Variants in ARHGAP17 observed in about 807,000 individuals in gnomAD.
ARHGAP17 encodes Rho GTPase activating protein 17.
Under a neutral mutation model 99.5 loss-of-function variants are expected in ARHGAP17, and 57 were observed. The ratio of observed to expected loss-of-function variants is 0.57; its 90% CI spans 0.46 to 0.71. ARHGAP17 has a LOEUF of 0.71. ARHGAP17 is among the 30% of genes least tolerant of loss of function. The pLI, the probability that ARHGAP17 is intolerant of heterozygous loss-of-function variation, is 0.00. For synonymous variants in ARHGAP17, 417 were observed against 429.6 expected, an observed-to-expected ratio of 0.97 and a Z score of 0.36; for missense variants, 1,000 against 1,122.4, an observed-to-expected ratio of 0.89 and a Z score of 1.56.
chr16:24,953,152 A>C, intron 10 of ARHGAP17, 110 bp from the exon 11 acceptor site: 1 of 979,238 alleles, frequency 1.0e-6, no homozygotes, highest in Non-Finnish European at 1.6e-6. Flanking sequence ...CCTGTCTATG[A>C]AAGCAGTGTT....
intron 1 of ARHGAP17, among the ~76,000 whole-genome samples, chr16:24,982,123 G>T (rs1273158576): frequency 6.6e-6 from 1 of 151,706 alleles, no homozygotes; most frequent in Non-Finnish European, 1.5e-5. Flanking sequence ...AATTTTAGAG[G>T]TTGGGGGTGG....
intron 1 of ARHGAP17, among the ~76,000 whole-genome samples, chr16:24,983,243 G>A (rs1333022352): frequency 3.3e-5 from 5 of 150,072 alleles, no homozygotes; most frequent in African/African-American, 9.8e-5. Context: ...GAGCTCAAGC[G>A]ATCTGGCTGC....
At position 24,931,139 on chromosome 16, in the gene ARHGAP17, C is replaced by T. The variant is rs772387053; in HGVS notation, c.2160G>A (p.Thr720=). 6 of 1,604,098 alleles carry T rather than the reference C, an allele frequency of 3.7e-6. No homozygotes were observed. The highest frequency in any genetic ancestry group is 1.7e-4 in the Middle Eastern group (1 of 6,016). The change falls in exon 19 of 20, where the codon ACG becomes ACA. Residue 720 remains threonine (T), a synonymous_variant. Coordinates refer to ENST00000289968, the MANE Select transcript of ARHGAP17 (RefSeq NM_001006634.3). ...APNHPPPQPP[T]QATPLMHTKP... is the part of the protein sequence containing the mutation. ...TGGTGTGCATCAGTGGCGTGGCCTGCGTAGGGGGCTGCGGCGGTGGGTGAT... is the reference window on the plus strand; with the variant it reads ...TGGTGTGCATCAGTGGCGTGGCCTGTGTAGGGGGCTGCGGCGGTGGGTGAT...
intron 9 of ARHGAP17, among the ~76,000 whole-genome samples, chr16:24,958,261 G>A (rs1045823557): frequency 2.1e-5 from 3 of 140,962 alleles, no homozygotes; most frequent in Non-Finnish European, 3.1e-5. Flanking sequence ...AACAAAATGC[G>A]AAAAAAAATC....
chr16:24,975,722 C>T (rs966040116), intron 3 of ARHGAP17, among the ~76,000 whole-genome samples: 1 of 152,202 alleles, frequency 6.6e-6, no homozygotes, highest in Admixed American at 6.5e-5. Context: ...TGACAATACA[C>T]CAAATCATAG....
chr16:24,931,319 A>C lies in ARHGAP17; in HGVS notation c.1980T>G (p.Ser660=). The C allele has an allele frequency of 6.6e-7, 1 of 1,519,288 alleles. No homozygotes were observed. The highest frequency in any genetic ancestry group is 1.4e-5 in the African/African-American group (1 of 71,334). 94.1% of individuals were successfully genotyped at this position (1,519,288 alleles called of 1,614,324 possible). A position where few individuals can be genotyped will look rare whatever the true frequency, so the allele number is the denominator to read the frequency against. ...HPGGQSSSGT[S]QHPPSLSPKP... is the part of the protein sequence containing the mutation. ...TTGGTGACAGACTGGGTGGATGCTG[A>C]GATGTTCCTGAAGAACTCTGGCCCC... The change falls in exon 19 of 20, where the codon TCT becomes TCG. Residue 660 remains serine (S), a synonymous_variant. Coordinates refer to ENST00000289968, the MANE Select transcript of ARHGAP17 (RefSeq NM_001006634.3).
chr16:24,975,715 C>A (rs1366846640), intron 3 of ARHGAP17, among the ~76,000 whole-genome samples: 4 of 152,202 alleles, frequency 2.6e-5, no homozygotes, highest in Admixed American at 1.3e-4. Flanking sequence ...CACCTGGTGA[C>A]AATACACCAA....
intron 2 of ARHGAP17, 157 bp from the exon 3 acceptor site, chr16:24,977,476 A>G (rs768546063): frequency 4.2e-6 from 2 of 481,374 alleles, no homozygotes; most frequent in Non-Finnish European, 7.2e-6. Flanking sequence ...CAGTTTACAC[A>G]CTACAGCACC....
Position 25,015,362 on chromosome 16 carries a change from G to C in ARHGAP17, c.-101C>G. The C allele has an allele frequency of 2.7e-6, 3 of 1,120,508 alleles. No homozygotes were observed. Among genetic ancestry groups the C allele is most frequent in the Non-Finnish European group, 3.4e-6 (3 of 891,704 alleles). The allele number at this position is 1,120,508 out of a possible 1,614,324, so 69.4% of individuals were successfully genotyped here. ...TTCCCGGCCCAAACGGCGGCGCGGC[G>C]GTGGCTCCCCGGGCCGGCGGCCCCG... On this transcript the variant is annotated 5_prime_UTR_variant, in exon 1 of 20. Transcript: ENST00000289968.
chr16:24,932,084 C>T (rs747438803), intron 18 of ARHGAP17, among the ~76,000 whole-genome samples: 1 of 147,930 alleles, frequency 6.8e-6, no homozygotes, highest in East Asian at 2.0e-4. Context: ...GAATTCCAGC[C>T]TGGGCAACAG....
In ARHGAP17 at chr16:24,996,864, T is replaced by C. The variant is rs566422471; in HGVS notation, c.54-17859A>G. Among the ~76,000 whole-genome samples the C allele has an allele frequency of 6.6e-5, 10 of 152,036 alleles. No homozygotes were observed. In the South Asian group the frequency reaches 2.1e-3, roughly 32 times the overall value. On this transcript the variant is annotated intron_variant, in intron 1 of 19. Transcript: ENST00000289968. ...ACTTTGGAAGGCCGAGGCAGGAGGA[T>C]TGCTTGAGGCCAGGAGTTGGAGACA...
intron 1 of ARHGAP17, among the ~76,000 whole-genome samples, chr16:25,002,643 C>A (rs1019439234): frequency 1.3e-5 from 2 of 152,202 alleles, no homozygotes; most frequent in African/African-American, 4.8e-5. Context: ...AGTTGGTGCT[C>A]CAGGCCATGG....
At chr16:24,949,177 A>G (rs776835425) in intron 13 of ARHGAP17, 2 of 396,440 alleles carry the variant, frequency 5.0e-6, no homozygotes, top group Non-Finnish European at 9.0e-6. Flanking sequence ...GAAAATGATA[A>G]GCCAACTTAC....
chr16:24,978,545 T>C (rs1374304002), intron 2 of ARHGAP17, among the ~76,000 whole-genome samples: 2 of 152,218 alleles, frequency 1.3e-5, no homozygotes, highest in Non-Finnish European at 2.9e-5. Flanking sequence ...CTCTGTGGCT[T>C]GCAGTGGCAG....
chr16:24,962,339 C>T (rs2052035998), intron 7 of ARHGAP17, among the ~76,000 whole-genome samples: 1 of 152,050 alleles, frequency 6.6e-6, no homozygotes, highest in Non-Finnish European at 1.5e-5. Flanking sequence ...AGATAAGATT[C>T]CTGAAGAACT....
intron 1 of ARHGAP17, among the ~76,000 whole-genome samples, chr16:25,014,273 A>G (rs1413218997): frequency 6.6e-6 from 1 of 152,224 alleles, no homozygotes; most frequent in African/African-American, 2.4e-5. Flanking sequence ...TCTTTGCTGA[A>G]TAAACACTAA....
intron 16 of ARHGAP17, chr16:24,941,673 C>T: frequency 3.4e-6 from 1 of 296,812 alleles, no homozygotes; most frequent in Non-Finnish European, 6.4e-6. Flanking sequence ...CTTTCTGTTT[C>T]CCCCCACTCA....
intron 7 of ARHGAP17, among the ~76,000 whole-genome samples, chr16:24,961,166 G>A (rs902718696): frequency 4.6e-5 from 7 of 151,620 alleles, no homozygotes; most frequent in Admixed American, 1.3e-4. Context: ...ACTCAGCAAT[G>A]TCATATTGTT....
intron 6 of ARHGAP17, among the ~76,000 whole-genome samples, chr16:24,966,760 G>A (rs1234388539): frequency 6.6e-6 from 1 of 152,136 alleles, no homozygotes; most frequent in East Asian, 1.9e-4. Flanking sequence ...CTCCAGCCCA[G>A]GTGACAGGGA....
Sources: gnomAD v4.1 joint callset for allele counts (sites outside exome capture counted in the v4.1 genomes callset) on GRCh38, gnomAD v4.1.1 for gene constraint, MANE v1.5 for transcripts, NCBI Gene and HGNC (gene_info 2026-07-23, HGNC 2026-07-21) for gene names.